The following DMD variants were observed in gnomAD, a reference collection of about 807,000 sequenced individuals.
The protein encoded by DMD is mutant dystrophin.
A neutral mutation model predicts 330.1 loss-of-function variants in DMD; 63 were observed. That is an observed-to-expected ratio of 0.19 (90% confidence interval 0.16 to 0.24). DMD has a LOEUF of 0.24. DMD is among the 10% of genes least tolerant of loss of function. The pLI is 1.00. For synonymous variants in DMD, 1,223 were observed against 959.8 expected (o/e 1.27, Z -5.07); for missense variants, 3,344 against 2,684.1 (o/e 1.25, Z -5.43).
chrX:31,852,011 A>T (rs6631422), intron 48 of DMD, among the ~76,000 whole-genome samples: 24,884 of 110,139 alleles, frequency 0.23, 2,496 homozygotes, highest in African/African-American at 0.39. Context: ...ATTAAAAAAA[A>T]AAGGACACCA....
At chrX:32,065,212 C>A (rs764524376) in intron 44 of DMD, among the ~76,000 whole-genome samples, 1 of 111,464 alleles carries the variant, frequency 9.0e-6, no homozygotes, top group South Asian at 3.7e-4. Context: ...TAATAAATCA[C>A]ACCACAGGAA....
rs148799092 is a variant in DMD at position 32,538,852 on chromosome X, A to G, written c.2168+6307T>C. On this transcript the variant is annotated intron_variant, in intron 17 of 78. Transcript: ENST00000357033. ...CGAGGGTTCTCAAATTTTATGGTGT[A>G]TAAGTATCACCGAGAGTGCTTGTAA... Among the ~76,000 whole-genome samples the G allele has an allele frequency of 6.3e-3, 696 of 111,140 alleles. 4 individuals carry two copies. The highest frequency in any genetic ancestry group is 0.022 in the African/African-American group (663 of 30,546).
At chrX:32,817,057 G>T (rs1307352814) in intron 5 of DMD, among the ~76,000 whole-genome samples, 1 of 111,916 alleles carries the variant, frequency 8.9e-6, no homozygotes, top group African/African-American at 3.2e-5. Flanking sequence ...TAAAGTATAT[G>T]TTCAAATTTT....
chrX:32,880,611 G>A (rs1569538469), intron 2 of DMD, among the ~76,000 whole-genome samples: 4 of 112,301 alleles, frequency 3.6e-5, no homozygotes, highest in Admixed American at 1.9e-4. Context: ...TAACTACAGT[G>A]CCAGGTATAT....
At chrX:31,216,256 G>C (rs1371596523) in intron 64 of DMD, among the ~76,000 whole-genome samples, 2 of 112,454 alleles carry the variant, frequency 1.8e-5, no homozygotes, top group African/African-American at 6.5e-5. Context: ...CTGGAGAATG[G>C]AACCAATAAT....
chrX:32,132,555 G>A (rs1309116830), intron 44 of DMD, among the ~76,000 whole-genome samples: 1 of 111,177 alleles, frequency 9.0e-6, no homozygotes, highest in Non-Finnish European at 1.9e-5. Context: ...GAGATACTAC[G>A]TTAACTACAT....
At chrX:32,400,404 A>T (rs918715160) in intron 30 of DMD, among the ~76,000 whole-genome samples, 15 of 111,344 alleles carry the variant, frequency 1.3e-4, no homozygotes, top group African/African-American at 4.6e-4. Flanking sequence ...ATCAAGGATA[A>T]TGGTCTAAAA....
At chrX:31,768,639 C>A (rs1019424105) in intron 51 of DMD, among the ~76,000 whole-genome samples, 4 of 111,604 alleles carry the variant, frequency 3.6e-5, no homozygotes, top group African/African-American at 1.3e-4. Flanking sequence ...AAGAAAACTG[C>A]TAATTCTTGT....
At chrX:32,640,979 T>G (rs2059408143) in intron 11 of DMD, among the ~76,000 whole-genome samples, 1 of 111,422 alleles carries the variant, frequency 9.0e-6, no homozygotes, top group Non-Finnish European at 1.9e-5. Flanking sequence ...AACTCTACAG[T>G]CCCCCTGGCC....
chrX:31,347,561 A>C (rs1352115050), intron 61 of DMD, among the ~76,000 whole-genome samples: 1 of 112,264 alleles, frequency 8.9e-6, no homozygotes, highest in Non-Finnish European at 1.9e-5. Flanking sequence ...GTTGCTGTGA[A>C]TGACATGGTT....
At chrX:31,706,901 T>G (rs965024531) in intron 52 of DMD, among the ~76,000 whole-genome samples, 1 of 112,021 alleles carries the variant, frequency 8.9e-6, no homozygotes, top group Admixed American at 9.5e-5. Flanking sequence ...CTTAGGTATT[T>G]TTGTACACAC....
At chrX:33,215,280 G>GTGCCAC (rs1401948950), upstream of DMD, among the ~76,000 whole-genome samples, 16 of 104,652 alleles carry the variant, frequency 1.5e-4, no homozygotes, top group African/African-American at 5.3e-4. Context: ...AGCCGAGACT[G>GTGCCAC]TGCCACTGCA....
chrX:32,950,805 C>T (rs751165746), intron 2 of DMD, among the ~76,000 whole-genome samples: 35 of 111,793 alleles, frequency 3.1e-4, no homozygotes, highest in Middle Eastern at 4.6e-3. Flanking sequence ...CTCAGAGATA[C>T]ATTCATTTGT....
chrX:32,644,361 C>T (rs766735468), intron 10 of DMD, 48 bp from the exon 11 acceptor site: 3 of 1,168,982 alleles, frequency 2.6e-6, no homozygotes, highest in South Asian at 3.6e-5. Context: ...CTAGGTAAAT[C>T]GGTGTGGTTT....
chrX:33,315,370 T>C (rs778253738), intron 1 of DMD, among the ~76,000 whole-genome samples: 1 of 112,311 alleles, frequency 8.9e-6, no homozygotes, highest in South Asian at 3.7e-4. Flanking sequence ...GTGCAGCTTT[T>C]AGGTTACACT....
At chrX:31,295,089 G>A (rs1280334272) in intron 62 of DMD, among the ~76,000 whole-genome samples, 4 of 110,298 alleles carry the variant, frequency 3.6e-5, no homozygotes. Flanking sequence ...CTCCAGCCCC[G>A]GGTTCACGCC....
rs772226556 is a variant in DMD at position 32,406,540 on chromosome X, T to A, written c.4233+5212A>T. 9.0e-5 allele frequency among the ~76,000 whole-genome samples: 10 copies of A among 111,186 alleles called. No homozygotes were observed. The East Asian group carries it at 2.8e-3, about 32-fold the overall frequency. On this transcript the variant is annotated intron_variant, in intron 30 of 78. Coordinates refer to ENST00000357033, the MANE Select transcript of DMD (RefSeq NM_004006.3). ...TGGTATTTGTGATTGGTTCTGTTTA[T>A]ATGCTGGATTACGTTTATTGATTTG... is the stretch of plus-strand genomic sequence containing the variant.
At chrX:31,503,333 G>A (rs1417862162) in intron 56 of DMD, among the ~76,000 whole-genome samples, 1 of 111,960 alleles carries the variant, frequency 8.9e-6, no homozygotes. Flanking sequence ...CATATTTCTG[G>A]TCAAACTCTT....
chrX:33,293,699 G>A (rs747084531), intron 1 of DMD, among the ~76,000 whole-genome samples: 6 of 111,220 alleles, frequency 5.4e-5, no homozygotes, highest in Non-Finnish European at 7.6e-5. Flanking sequence ...AAAGGAACCC[G>A]TTTCTCACTA....
Sources: allele counts gnomAD v4.1 joint callset (sites outside exome capture counted in the v4.1 genomes callset), GRCh38; gene constraint gnomAD v4.1.1; transcripts MANE v1.5; gene names NCBI Gene and HGNC (gene_info 2026-07-23, HGNC 2026-07-21).